KSR2: variants seen among roughly 807,000 people sequenced by gnomAD.
KSR2 encodes kinase suppressor of ras 2.
Under a neutral mutation model 107.8 loss-of-function variants are expected in KSR2, and 25 were observed. The ratio of observed to expected loss-of-function variants is 0.23; its 90% CI spans 0.17 to 0.32. The LOEUF is 0.32. Among genes scored for constraint, KSR2 ranks in the 10% least tolerant of loss-of-function variants. KSR2 has a pLI of 1.00. For missense variants in KSR2, 887 were observed against 1,268.9 expected (o/e 0.70, Z 4.57); for synonymous variants, 480 against 507.0 (o/e 0.95, Z 0.71).
chr12:117,663,517 G>A (rs1884525002), intron 5 of KSR2, among the ~76,000 whole-genome samples: 2 of 152,144 alleles, frequency 1.3e-5, no homozygotes, highest in Admixed American at 1.3e-4. Flanking sequence ...ATACAGCAAT[G>A]GCTCCCAAAG....
chr12:117,829,052 A>G (rs1340361946), intron 3 of KSR2, among the ~76,000 whole-genome samples: 2 of 152,102 alleles, frequency 1.3e-5, no homozygotes, highest in Non-Finnish European at 2.9e-5. Flanking sequence ...TCAACCACAC[A>G]CCACCCCTTA....
At chr12:117,738,992 T>C (rs1888056259) in intron 4 of KSR2, among the ~76,000 whole-genome samples, 1 of 152,204 alleles carries the variant, frequency 6.6e-6, no homozygotes, top group Non-Finnish European at 1.5e-5. Flanking sequence ...TGAAGGCCCA[T>C]GATGTTACTG....
intron 4 of KSR2, among the ~76,000 whole-genome samples, chr12:117,735,457 C>T (rs1033313039): frequency 2.6e-5 from 4 of 152,198 alleles, no homozygotes; most frequent in African/African-American, 9.6e-5. Context: ...ATAAATTCTA[C>T]AGGACTAATG....
At chr12:117,546,600 T>A (rs1876886162) in intron 9 of KSR2, among the ~76,000 whole-genome samples, 1 of 152,232 alleles carries the variant, frequency 6.6e-6, no homozygotes, top group African/African-American at 2.4e-5. Context: ...AGGACACCGA[T>A]GACACCAATG....
Position 117,696,220 on chromosome 12 carries a change from T to C in KSR2, c.987-28562A>G, listed in dbSNP as rs545161365. ...CCACCTGCCACTCCAGGGAGGCTGC[T>C]GGGCCCCGGCTTGGGTTTCTCTGAG... On this transcript the variant is annotated intron_variant, in intron 4 of 19. Coordinates refer to ENST00000339824, the MANE Select transcript of KSR2 (RefSeq NM_173598.6). Among the ~76,000 whole-genome samples, 7 of 152,240 alleles carry C rather than the reference T, an allele frequency of 4.6e-5. No individual in the cohort carries two copies. In the East Asian group the frequency reaches 1.4e-3, roughly 29 times the overall value.
intron 9 of KSR2, among the ~76,000 whole-genome samples, chr12:117,550,191 C>T (rs1877191904): frequency 6.6e-6 from 1 of 152,188 alleles, no homozygotes; most frequent in Non-Finnish European, 1.5e-5. Context: ...AGAGGAATGG[C>T]CTCCTGGAGT....
Position 117,483,324 on chromosome 12 carries a change from C to G in KSR2, c.2450+1092G>C, listed in dbSNP as rs200654025. 2.0e-5 allele frequency among the ~76,000 whole-genome samples: 3 copies of G among 151,854 alleles called. No homozygotes were observed. In the East Asian group the frequency reaches 5.8e-4, roughly 29 times the overall value. On this transcript the variant is annotated intron_variant, in intron 16 of 19. Transcript: ENST00000339824. Reference sequence around the variant, plus strand: ...ATAACAGATTCAAGGTGTCATATAACACAAACAAGATTCACTTTGTCCGGG... The same window carrying G: ...ATAACAGATTCAAGGTGTCATATAAGACAAACAAGATTCACTTTGTCCGGG...
Position 117,904,597 on chromosome 12 carries a change from C to G in KSR2, c.181-44166G>C, listed in dbSNP as rs1894784541. Among the ~76,000 whole-genome samples, 3 of 152,176 alleles carry G rather than the reference C, an allele frequency of 2.0e-5. No homozygotes were observed. In the South Asian group the frequency reaches 6.2e-4, roughly 32 times the overall value. On this transcript the variant is annotated intron_variant, in intron 1 of 19. Transcript: ENST00000339824. ...ACACCCACTATGTGCCAGTATCCTA[C>G]TAAGTGTTTTATATACTTTTCCTTG...
chr12:117,780,827 A>C (rs1329561034), intron 3 of KSR2, among the ~76,000 whole-genome samples: 2 of 152,200 alleles, frequency 1.3e-5, no homozygotes, highest in Non-Finnish European at 2.9e-5. Flanking sequence ...TGTCTAGCAC[A>C]CATCTGGAAG....
rs1273497363 is a variant in KSR2 at position 117,761,435 on chromosome 12, T to G, written c.562A>C (p.Thr188Pro). 1 of 1,611,660 alleles carries G rather than the reference T, an allele frequency of 6.2e-7. No homozygotes were observed. The highest frequency in any genetic ancestry group is 8.5e-7 in the Non-Finnish European group (1 of 1,179,302). The change falls in exon 4 of 20, where the codon ACC becomes CCC. Residue 188 changes from threonine (T) to proline (P), a missense_variant. Thr to Pro is a conservative substitution (Grantham distance 38). Transcript: ENST00000339824. ...ENNPVCPPEP[T>P]PWIRTHLSQS... ...GAGAGATGGGTGCGGATCCACGGGG[T>G]GGGCTCCGGGGGGCACACGGGATTG...
intron 16 of KSR2, 103 bp downstream of exon 16, chr12:117,484,313 G>A (rs1872336056): frequency 7.3e-7 from 1 of 1,365,002 alleles, no homozygotes. Context: ...AGCAACCTCA[G>A]GACCAACCCT....
At chr12:117,603,531 G>T (rs1465049618) in intron 5 of KSR2, among the ~76,000 whole-genome samples, 2 of 152,086 alleles carry the variant, frequency 1.3e-5, no homozygotes, top group Non-Finnish European at 2.9e-5. Context: ...TAGTCTTTTG[G>T]CTCTAAATCC....
chr12:117,636,243 A>C (rs1330515238), intron 5 of KSR2, among the ~76,000 whole-genome samples: 1 of 152,212 alleles, frequency 6.6e-6, no homozygotes, highest in Non-Finnish European at 1.5e-5. Flanking sequence ...AACAACAAAA[A>C]AAGGAAATAT....
chr12:117,967,788 CA>C (rs1199643366), intron 1 of KSR2, among the ~76,000 whole-genome samples: 1 of 152,136 alleles, frequency 6.6e-6, no homozygotes, highest in South Asian at 2.1e-4. Flanking sequence ...ACAACGGTAA[CA>C]GCCGCAACAA....
chr12:117,794,334 TGCACACTCACACCAACAG>T (rs1347837681), intron 3 of KSR2, among the ~76,000 whole-genome samples: 7 of 84,474 alleles, frequency 8.3e-5, no homozygotes, highest in African/African-American at 2.1e-4. Flanking sequence ...CACACCAACA[TGCACACTCACACCAACAG>T]GCACACACAC....
At chr12:117,770,208 T>C (rs1266600451) in intron 3 of KSR2, among the ~76,000 whole-genome samples, 1 of 152,158 alleles carries the variant, frequency 6.6e-6, no homozygotes, top group Admixed American at 6.5e-5. Context: ...GCAGATACAA[T>C]CAAGTTAAGA....
intron 7 of KSR2, among the ~76,000 whole-genome samples, chr12:117,565,296 C>T (rs1878408943): frequency 6.6e-6 from 1 of 152,172 alleles, no homozygotes; most frequent in Non-Finnish European, 1.5e-5. Context: ...TTTCTTGTTC[C>T]ATGCCAGCTA....
chr12:117,784,265 A>G (rs1889984048), intron 3 of KSR2, among the ~76,000 whole-genome samples: 1 of 152,120 alleles, frequency 6.6e-6, no homozygotes, highest in Admixed American at 6.5e-5. Context: ...TTTCCCCCAT[A>G]CTGTGTCTCA....
chr12:117,584,966 C>T (rs1486411256), intron 5 of KSR2, among the ~76,000 whole-genome samples: 2 of 152,214 alleles, frequency 1.3e-5, no homozygotes, highest in Non-Finnish European at 2.9e-5. Context: ...GGAGCCCCCG[C>T]ACCCCCGTTC....
Sources: allele counts gnomAD v4.1 joint callset (sites outside exome capture counted in the v4.1 genomes callset), GRCh38; gene constraint gnomAD v4.1.1; transcripts MANE v1.5; gene names NCBI Gene and HGNC (gene_info 2026-07-23, HGNC 2026-07-21).